The following ANKS1B variants were observed in gnomAD, a reference collection of about 807,000 sequenced individuals.
The protein encoded by ANKS1B is ankyrin repeat and sterile alpha motif domain-containing protein 1B.
ANKS1B carries 36 observed loss-of-function variants against 148.3 expected under a neutral mutation model. The ratio of observed to expected loss-of-function variants is 0.24; its 90% CI spans 0.19 to 0.32. The LOEUF (loss-of-function observed/expected upper bound fraction) is 0.32. Among genes scored for constraint, ANKS1B ranks in the 10% least tolerant of loss-of-function variants. The pLI, the probability that ANKS1B is intolerant of heterozygous loss-of-function variation, is 1.00. For synonymous variants in ANKS1B, 542 were observed against 560.8 expected (o/e 0.97, Z 0.47); for missense variants, 1,157 against 1,542.6 (o/e 0.75, Z 4.19).
At chr12:99,603,415 A>G (rs1384558719) in intron 9 of ANKS1B, among the ~76,000 whole-genome samples, 1 of 152,106 alleles carries the variant, frequency 6.6e-6, no homozygotes, top group Non-Finnish European at 1.5e-5. Flanking sequence ...TCTATAAGGC[A>G]ACCATGTGAA....
At chr12:98,906,866 T>C (rs149157874) in intron 17 of ANKS1B, among the ~76,000 whole-genome samples, 91 of 152,328 alleles carry the variant, frequency 6.0e-4, no homozygotes, top group African/African-American at 1.9e-3. Context: ...TCCAGTTTCA[T>C]TGAGGTAGAA....
At chr12:99,673,514 A>C (rs2098548036) in intron 8 of ANKS1B, among the ~76,000 whole-genome samples, 1 of 152,106 alleles carries the variant, frequency 6.6e-6, no homozygotes, top group Non-Finnish European at 1.5e-5. Context: ...ATGCAATATA[A>C]ACAATAGTAT....
intron 15 of ANKS1B, among the ~76,000 whole-genome samples, chr12:99,114,609 G>A (rs2372720): frequency 0.55 from 83,815 of 151,836 alleles, 24,316 homozygotes; most frequent in East Asian, 0.76. Flanking sequence ...AAAATTAGCT[G>A]GGCGTGGTGG....
chr12:98,741,151 C>G (rs1049199598), downstream of ANKS1B, among the ~76,000 whole-genome samples: 1 of 152,192 alleles, frequency 6.6e-6, no homozygotes, highest in African/African-American at 2.4e-5. Context: ...TTCTTTAGTT[C>G]AATTCCTAAC....
intron 16 of ANKS1B, among the ~76,000 whole-genome samples, chr12:99,060,542 G>A (rs2042052448): frequency 6.6e-6 from 1 of 151,936 alleles, no homozygotes; most frequent in Non-Finnish European, 1.5e-5. Context: ...AAGATTACAT[G>A]ACCACTATGA....
At chr12:99,792,963 A>G (rs769035069) in intron 4 of ANKS1B, among the ~76,000 whole-genome samples, 5 of 152,074 alleles carry the variant, frequency 3.3e-5, no homozygotes. Flanking sequence ...ACTCCACTGA[A>G]AAACTATTAG....
At chr12:98,804,721 T>A (rs1031562829) in intron 20 of ANKS1B, among the ~76,000 whole-genome samples, 5 of 152,132 alleles carry the variant, frequency 3.3e-5, no homozygotes, top group African/African-American at 1.2e-4. Flanking sequence ...AGTTACTATA[T>A]GGAATGGAAG....
chr12:99,931,806 A>T (rs2094623535), intron 1 of ANKS1B, among the ~76,000 whole-genome samples: 1 of 152,116 alleles, frequency 6.6e-6, no homozygotes, highest in South Asian at 2.1e-4. Context: ...TAGTTATTTT[A>T]AAATATATAA....
At chr12:98,945,399 G>A (rs1271357409) in intron 17 of ANKS1B, among the ~76,000 whole-genome samples, 1 of 151,224 alleles carries the variant, frequency 6.6e-6, no homozygotes, top group African/African-American at 2.4e-5. Flanking sequence ...GGAGGCTGAG[G>A]TAGAAGGATT....
At chr12:99,414,118 C>CTT (rs35133605) in intron 11 of ANKS1B, among the ~76,000 whole-genome samples, 3,652 of 146,984 alleles carry the variant, frequency 0.025, 152 homozygotes, top group African/African-American at 0.086. Context: ...AGCAGTTATA[C>CTT]TTTTTTTTTT....
chr12:98,802,594 C>CTT (rs397850118), intron 20 of ANKS1B, among the ~76,000 whole-genome samples: 573 of 34,782 alleles, frequency 0.016, 182 homozygotes, highest in African/African-American at 0.024. Flanking sequence ...AATGCACAGG[C>CTT]TTTTTTTTTT....
At chr12:99,897,582 C>T (rs540796264) in intron 1 of ANKS1B, among the ~76,000 whole-genome samples, 6 of 151,060 alleles carry the variant, frequency 4.0e-5, no homozygotes, top group Admixed American at 2.7e-4. Context: ...TCACAGCTGC[C>T]GAGGAACAAC....
chr12:99,223,575 T>C (rs1346716079), intron 14 of ANKS1B, among the ~76,000 whole-genome samples: 1 of 152,142 alleles, frequency 6.6e-6, no homozygotes, highest in Non-Finnish European at 1.5e-5. Context: ...GAGAATCTAA[T>C]GCTGCTGCTG....
At chr12:98,881,631 C>G (rs934457487) in intron 17 of ANKS1B, among the ~76,000 whole-genome samples, 1 of 152,042 alleles carries the variant, frequency 6.6e-6, no homozygotes, top group Non-Finnish European at 1.5e-5. Context: ...TAAGACTAAC[C>G]TGAATGCTAA....
At chr12:99,300,467 T>C (rs2081446766) in intron 12 of ANKS1B, among the ~76,000 whole-genome samples, 1 of 151,894 alleles carries the variant, frequency 6.6e-6, no homozygotes, top group Non-Finnish European at 1.5e-5. Context: ...AGTTCAGATT[T>C]GTAAATAAGA....
Position 99,172,427 on chromosome 12 carries a change from T to G in ANKS1B, c.2420-18032A>C, listed in dbSNP as rs2077878002. 6.6e-5 allele frequency among the ~76,000 whole-genome samples: 10 copies of G among 152,178 alleles called. No homozygotes were observed. The South Asian group carries it at 2.1e-3, about 31-fold the overall frequency. On this transcript the variant is annotated intron_variant, in intron 14 of 26. Transcript: ENST00000683438. ...AGAAAACCTGCAAGGCTCTTTCTCT[T>G]AAAGAGCAAATAGACAAAATGACCT...
intron 25 of ANKS1B, among the ~76,000 whole-genome samples, chr12:98,760,346 G>C (rs2098377829): frequency 6.6e-6 from 1 of 151,916 alleles, no homozygotes; most frequent in African/African-American, 2.4e-5. Context: ...CTCACAGAAA[G>C]CTTGACCTCC....
chr12:98,775,471 G>A (rs1472540586), intron 24 of ANKS1B, among the ~76,000 whole-genome samples: 1 of 151,774 alleles, frequency 6.6e-6, no homozygotes, highest in Non-Finnish European at 1.5e-5. Flanking sequence ...TTTTTTTTGA[G>A]ATAGGGTCTT....
At chr12:99,475,821 G>A (rs2096310422) in intron 10 of ANKS1B, among the ~76,000 whole-genome samples, 1 of 151,910 alleles carries the variant, frequency 6.6e-6, no homozygotes, top group African/African-American at 2.4e-5. Flanking sequence ...CAAATATATA[G>A]AATTTTATAA....
Sources: allele counts gnomAD v4.1 joint callset (sites outside exome capture counted in the v4.1 genomes callset), GRCh38; gene constraint gnomAD v4.1.1; transcripts MANE v1.5; gene names NCBI Gene and HGNC (gene_info 2026-07-23, HGNC 2026-07-21).